HECW1: variants seen among roughly 807,000 people sequenced by gnomAD.
HECW1 encodes the protein E3 ubiquitin-protein ligase HECW1.
In HECW1, 61 loss-of-function variants were observed where a neutral mutation model predicts 182.3. The observed-to-expected ratio is 0.33, with a 90% CI of 0.27 to 0.41. The LOEUF (loss-of-function observed/expected upper bound fraction) is 0.41, where lower values mean the gene tolerates loss of function less well. HECW1 is among the 10% of genes least tolerant of loss of function. HECW1 has a pLI of 1.00. For missense variants in HECW1, 1,739 were observed against 2,108.9 expected, an observed-to-expected ratio of 0.82 and a Z score of 3.44; for synonymous variants, 859 against 832.6, an observed-to-expected ratio of 1.03 and a Z score of -0.55.
intron 2 of HECW1, among the ~76,000 whole-genome samples, chr7:43,168,153 G>A (rs1431231723): frequency 6.6e-6 from 1 of 152,166 alleles, no homozygotes; most frequent in South Asian, 2.1e-4. Flanking sequence ...TTTCACTTTT[G>A]CATGATGTCC....
intron 11 of HECW1, among the ~76,000 whole-genome samples, chr7:43,448,557 GA>G (rs1352083824): frequency 6.6e-6 from 1 of 152,190 alleles, no homozygotes; most frequent in Non-Finnish European, 1.5e-5. Flanking sequence ...AATTTAATGA[GA>G]TGATACTACA....
chr7:43,330,545 C>T (rs1301701074), intron 5 of HECW1, among the ~76,000 whole-genome samples: 5 of 152,284 alleles, frequency 3.3e-5, no homozygotes, highest in Admixed American at 6.5e-5. Flanking sequence ...CCAGAGAAAC[C>T]ATCAAGAGCA....
intron 3 of HECW1, among the ~76,000 whole-genome samples, chr7:43,302,508 A>G (rs1210215107): frequency 6.6e-6 from 1 of 152,212 alleles, no homozygotes; most frequent in Non-Finnish European, 1.5e-5. Flanking sequence ...GGTTACGGGA[A>G]GAGGCACAGT....
At chr7:43,490,797 G>A (rs186848933) in intron 17 of HECW1, among the ~76,000 whole-genome samples, 462 of 152,086 alleles carry the variant, frequency 3.0e-3, no homozygotes, top group African/African-American at 9.4e-3. Context: ...TTGCTGTGTC[G>A]CCCAGGCTGG....
chr7:43,513,911 C>T (rs1251551870), intron 24 of HECW1, among the ~76,000 whole-genome samples: 1 of 152,162 alleles, frequency 6.6e-6, no homozygotes. Flanking sequence ...AGGGACCACC[C>T]ATGGACACTG....
At position 43,500,750 on chromosome 7, in the gene HECW1, G is replaced by A. The variant is rs747826783; in HGVS notation, c.3489G>A (p.Leu1163=). The part of the protein sequence containing the change: ...RTEGNHGLEK[L]SCDADLVILL... ...AGGGTAATCACGGGCTTGAGAAGTT[G>A]TCCTGTGATGCGGATCTGGTCATTT... The change falls in exon 20 of 30, where the codon TTG becomes TTA. Residue 1163 remains leucine, a synonymous_variant. Coordinates refer to ENST00000395891, the MANE Select transcript of HECW1 (RefSeq NM_015052.5). 2 of 1,613,864 alleles carry A rather than the reference G, an allele frequency of 1.2e-6. No homozygotes were observed. Among genetic ancestry groups the A allele is most frequent in the East Asian group, 4.5e-5 (2 of 44,882 alleles).
intron 5 of HECW1, among the ~76,000 whole-genome samples, chr7:43,345,673 A>G (rs1032322202): frequency 1.3e-5 from 2 of 152,076 alleles, no homozygotes; most frequent in African/African-American, 4.8e-5. Context: ...CAGTGAGAAC[A>G]TGCAATGTTT....
At chr7:43,427,066 C>T (rs1395428680) in intron 8 of HECW1, among the ~76,000 whole-genome samples, 4 of 151,974 alleles carry the variant, frequency 2.6e-5, no homozygotes, top group African/African-American at 9.7e-5. Flanking sequence ...GGTTGCTAAG[C>T]TCTCTAAGTC....
At chr7:43,273,244 G>T (rs1318604054) in intron 3 of HECW1, among the ~76,000 whole-genome samples, 1 of 151,920 alleles carries the variant, frequency 6.6e-6, no homozygotes, top group African/African-American at 2.4e-5. Context: ...TGGTTGACAG[G>T]AACACGTGTA....
chr7:43,237,140 A>AGTAGGAAG (rs1449363522), intron 2 of HECW1, among the ~76,000 whole-genome samples: 1 of 133,854 alleles, frequency 7.5e-6, no homozygotes, highest in South Asian at 2.5e-4. Flanking sequence ...GAAGGAAGGA[A>AGTAGGAAG]GTAGGTAGGT....
chr7:43,271,936 T>A (rs1802451670), intron 3 of HECW1, among the ~76,000 whole-genome samples: 1 of 152,060 alleles, frequency 6.6e-6, no homozygotes, highest in Non-Finnish European at 1.5e-5. Context: ...TCACATTACC[T>A]GACTTCAAAC....
At chr7:43,240,434 C>T (rs1184293506) in intron 2 of HECW1, among the ~76,000 whole-genome samples, 1 of 152,174 alleles carries the variant, frequency 6.6e-6, no homozygotes, top group African/African-American at 2.4e-5. Flanking sequence ...CTCAAAAAAT[C>T]CTCCACTTAT....
intron 7 of HECW1, among the ~76,000 whole-genome samples, chr7:43,406,628 T>C (rs1295253966): frequency 4.6e-5 from 7 of 152,122 alleles, no homozygotes; most frequent in Non-Finnish European, 8.8e-5. Context: ...TTAAAAATTA[T>C]ATTCCTTGGC....
chr7:43,171,213 CA>C (rs1211673456), intron 2 of HECW1, among the ~76,000 whole-genome samples: 1 of 152,074 alleles, frequency 6.6e-6, no homozygotes, highest in Non-Finnish European at 1.5e-5. Context: ...CCTTTACAAT[CA>C]AGGAGTTCCA....
At chr7:43,292,021 C>T (rs1584353251) in intron 3 of HECW1, among the ~76,000 whole-genome samples, 1 of 152,204 alleles carries the variant, frequency 6.6e-6, no homozygotes, top group East Asian at 1.9e-4. Context: ...CAGGGTCACC[C>T]TTCTCTTCCT....
chr7:43,141,520 A>G (rs1259533342), intron 2 of HECW1, among the ~76,000 whole-genome samples: 2 of 151,972 alleles, frequency 1.3e-5, no homozygotes, highest in Non-Finnish European at 2.9e-5. Context: ...TTTTTTTTAA[A>G]CAGAGTTTCG....
intron 24 of HECW1, among the ~76,000 whole-genome samples, chr7:43,532,906 A>T (rs375487519): frequency 2.6e-5 from 4 of 152,306 alleles, no homozygotes; most frequent in South Asian, 2.1e-4. Flanking sequence ...TAGGGGTAAG[A>T]CCTGCATTGC....
chr7:43,552,434 AT>A (rs1318068062), intron 28 of HECW1, 98 bp downstream of exon 28: 1 of 835,096 alleles, frequency 1.2e-6, no homozygotes, highest in African/African-American at 1.7e-5. Flanking sequence ...GTAAAATAAA[AT>A]TGACTAAAGC....
Position 43,445,585 on chromosome 7 carries a change from C to G in HECW1, c.2398+15C>G, listed in dbSNP as rs770686444. 1 of 1,547,808 alleles carries G rather than the reference C, an allele frequency of 6.5e-7. No homozygotes were observed. Among genetic ancestry groups the G allele is most frequent in the East Asian group, 2.3e-5 (1 of 43,372 alleles). Reference sequence around the variant, plus strand: ...TCGGAGAGAAGGTTAGACCTCAAACCTGATCAGAGTGAGAATAGGACCATC... The same window carrying G: ...TCGGAGAGAAGGTTAGACCTCAAACGTGATCAGAGTGAGAATAGGACCATC... On this transcript the variant is annotated intron_variant, in intron 11 of 29. Transcript: ENST00000395891.
Sources: allele counts gnomAD v4.1 joint callset (sites outside exome capture counted in the v4.1 genomes callset), GRCh38; gene constraint gnomAD v4.1.1; transcripts MANE v1.5; gene names NCBI Gene and HGNC (gene_info 2026-07-23, HGNC 2026-07-21).